Variants in LRFN5 observed in about 807,000 individuals in gnomAD.
The protein encoded by LRFN5 is leucine-rich repeat and fibronectin type-III domain-containing protein 5.
A neutral mutation model predicts 45.6 loss-of-function variants in LRFN5; 24 were observed. The ratio of observed to expected loss-of-function variants is 0.53; its 90% CI spans 0.38 to 0.74. LRFN5 has a LOEUF of 0.74. LRFN5 is among the 30% of genes least tolerant of loss of function. The pLI is 0.00. For missense variants in LRFN5, 776 were observed against 861.5 expected (o/e 0.90, Z 1.24); for synonymous variants, 340 against 313.8 (o/e 1.08, Z -0.88).
At chr14:41,838,916 A>T (rs759123634) in intron 2 of LRFN5, among the ~76,000 whole-genome samples, 6 of 152,158 alleles carry the variant, frequency 3.9e-5, no homozygotes, top group Non-Finnish European at 7.4e-5. Flanking sequence ...AGTTAAAGGA[A>T]AGCAATTTTA....
At chr14:41,712,714 G>A (rs552674634) in intron 1 of LRFN5, among the ~76,000 whole-genome samples, 1 of 152,112 alleles carries the variant, frequency 6.6e-6, no homozygotes, top group Admixed American at 6.5e-5. Context: ...CTTAAAACAG[G>A]CTATTTTATG....
intron 2 of LRFN5, among the ~76,000 whole-genome samples, chr14:41,805,859 C>T (rs985930334): frequency 2.0e-5 from 3 of 152,046 alleles, no homozygotes; most frequent in Non-Finnish European, 4.4e-5. Context: ...TTGGTTGTTG[C>T]ACAGCATACC....
At chr14:41,676,765 G>T (rs1881649267) in intron 1 of LRFN5, among the ~76,000 whole-genome samples, 1 of 152,176 alleles carries the variant, frequency 6.6e-6, no homozygotes, top group African/African-American at 2.4e-5. Flanking sequence ...CACTGATCAT[G>T]CATTATTGTA....
At chr14:41,694,869 C>T (rs1011980913) in intron 1 of LRFN5, among the ~76,000 whole-genome samples, 1 of 151,660 alleles carries the variant, frequency 6.6e-6, no homozygotes, top group Non-Finnish European at 1.5e-5. Flanking sequence ...CTACAATGGC[C>T]ACTAAGTGTT....
intron 2 of LRFN5, among the ~76,000 whole-genome samples, chr14:41,842,959 A>T (rs72668880): frequency 0.23 from 34,977 of 151,554 alleles, 4,531 homozygotes; most frequent in Middle Eastern, 0.35. Flanking sequence ...AACATATTTT[A>T]TATTTAGTTA....
At chr14:41,901,579 A>G (rs1891103421) in intron 5 of LRFN5, among the ~76,000 whole-genome samples, 1 of 152,048 alleles carries the variant, frequency 6.6e-6, no homozygotes, top group Non-Finnish European at 1.5e-5. Context: ...TTTAATAACA[A>G]GCAAAAGTGT....
chr14:41,767,691 A>G (rs1292615991), intron 2 of LRFN5, among the ~76,000 whole-genome samples: 1 of 152,248 alleles, frequency 6.6e-6, no homozygotes, highest in Non-Finnish European at 1.5e-5. Context: ...AATGCATAAC[A>G]CAATGTACTG....
At chr14:41,672,195 A>C (rs1594600971) in intron 1 of LRFN5, among the ~76,000 whole-genome samples, 1 of 152,216 alleles carries the variant, frequency 6.6e-6, no homozygotes, top group African/African-American at 2.4e-5. Flanking sequence ...TAACACATGT[A>C]ACATGCTTTA....
intron 1 of LRFN5, among the ~76,000 whole-genome samples, chr14:41,649,824 C>A (rs961557514): frequency 6.6e-6 from 1 of 152,088 alleles, no homozygotes; most frequent in African/African-American, 2.4e-5. Context: ...CCTACTTGAC[C>A]CTGCTGTATT....
chr14:41,809,086 C>A (rs1185673847), intron 2 of LRFN5, among the ~76,000 whole-genome samples: 1 of 152,022 alleles, frequency 6.6e-6, no homozygotes, highest in East Asian at 1.9e-4. Context: ...CTTTGTAGTA[C>A]AAAGTGCCAT....
chr14:41,696,348 T>G (rs766556630), intron 1 of LRFN5, among the ~76,000 whole-genome samples: 2 of 151,954 alleles, frequency 1.3e-5, no homozygotes, highest in Admixed American at 6.6e-5. Context: ...GATTAAACAG[T>G]GGCAAGGTTT....
chr14:41,730,169 A>C (rs35934398), intron 1 of LRFN5, among the ~76,000 whole-genome samples: 10 of 152,098 alleles, frequency 6.6e-5, no homozygotes, highest in African/African-American at 2.4e-4. Context: ...TTACAGATGC[A>C]AATAAAACCA....
At chr14:41,872,345 CAT>C (rs1890047461) in intron 2 of LRFN5, among the ~76,000 whole-genome samples, 1 of 152,112 alleles carries the variant, frequency 6.6e-6, no homozygotes, top group South Asian at 2.1e-4. Context: ...TATCTATAGA[CAT>C]ATAGACTTGA....
At chr14:41,687,270 A>C (rs565854400) in intron 1 of LRFN5, among the ~76,000 whole-genome samples, 1 of 152,230 alleles carries the variant, frequency 6.6e-6, no homozygotes, top group Admixed American at 6.5e-5. Context: ...AGAAAGGTAA[A>C]TCAAAACCAC....
intron 1 of LRFN5, among the ~76,000 whole-genome samples, chr14:41,753,570 C>G (rs991934232): frequency 1.9e-4 from 29 of 151,980 alleles, no homozygotes; most frequent in Non-Finnish European, 1.5e-4. Flanking sequence ...CTCTGTTTGT[C>G]TGTTATTGGT....
In LRFN5 at chr14:41,648,606, T is replaced by C. The variant is rs1164600419; in HGVS notation, c.-197+40044T>C. On this transcript the variant is annotated intron_variant, in intron 1 of 5. Coordinates refer to ENST00000298119, the MANE Select transcript of LRFN5 (RefSeq NM_152447.5). ...AAAACTTTATTAATAAAACTGTAAG[T>C]ATTTCTGAGAGAAATTTAATAAAAC... is the stretch of plus-strand genomic sequence containing the variant. Among the ~76,000 whole-genome samples the C allele has an allele frequency of 3.3e-5, 5 of 152,282 alleles. No homozygotes were observed. In the East Asian group the frequency reaches 9.6e-4, roughly 29 times the overall value.
chr14:41,771,321 G>A (rs1328109627), intron 2 of LRFN5, among the ~76,000 whole-genome samples: 1 of 151,784 alleles, frequency 6.6e-6, no homozygotes, highest in Non-Finnish European at 1.5e-5. Context: ...TTAGCTCATG[G>A]CGTCCTTCTG....
At chr14:41,856,896 C>T (rs1242241719) in intron 2 of LRFN5, among the ~76,000 whole-genome samples, 2 of 149,336 alleles carry the variant, frequency 1.3e-5, no homozygotes, top group East Asian at 3.9e-4. Context: ...GATCTCCTGA[C>T]CTCGTGATCC....
intron 2 of LRFN5, among the ~76,000 whole-genome samples, chr14:41,866,471 T>C (rs926765021): frequency 1.3e-5 from 2 of 152,092 alleles, no homozygotes; most frequent in Non-Finnish European, 2.9e-5. Context: ...ATAAAATCAC[T>C]GGCAGAGAAG....
Sources: allele counts gnomAD v4.1 joint callset (sites outside exome capture counted in the v4.1 genomes callset), GRCh38; gene constraint gnomAD v4.1.1; transcripts MANE v1.5; gene names NCBI Gene and HGNC (gene_info 2026-07-23, HGNC 2026-07-21).